Variants in SHANK2 observed in about 807,000 individuals in gnomAD.
SHANK2 encodes SH3 and multiple ankyrin repeat domains 2.
SHANK2 carries 43 observed loss-of-function variants against 133.7 expected under a neutral mutation model. The observed-to-expected ratio is 0.32, with a 90% CI of 0.25 to 0.41. The LOEUF (loss-of-function observed/expected upper bound fraction) is 0.41, where lower values mean the gene tolerates loss of function less well. Among genes scored for constraint, SHANK2 ranks in the 10% least tolerant of loss-of-function variants. The pLI, the probability that SHANK2 is intolerant of heterozygous loss-of-function variation, is 1.00. For synonymous variants in SHANK2, 1,017 were observed against 952.8 expected, an observed-to-expected ratio of 1.07 and a Z score of -1.24; for missense variants, 1,994 against 2,235.8, an observed-to-expected ratio of 0.89 and a Z score of 2.18.
chr11:71,183,529 G>A (rs561603874), intron 2 of SHANK2, among the ~76,000 whole-genome samples: 1 of 152,230 alleles, frequency 6.6e-6, no homozygotes, highest in Non-Finnish European at 1.5e-5. Context: ...TCATCTGGCT[G>A]TGCCCTGAGC....
intron 11 of SHANK2, among the ~76,000 whole-genome samples, chr11:70,854,035 T>C (rs1295678845): frequency 2.6e-5 from 4 of 152,164 alleles, no homozygotes; most frequent in African/African-American, 9.7e-5. Flanking sequence ...AAGTTGGACA[T>C]GAAATTGAGG....
intron 15 of SHANK2, among the ~76,000 whole-genome samples, chr11:70,678,511 T>C (rs1944950738): frequency 6.6e-6 from 1 of 150,886 alleles, no homozygotes; most frequent in Admixed American, 6.6e-5. Context: ...ACCTGCTCAT[T>C]TCCAGTCTGC....
chr11:71,079,636 T>C (rs1951266806), intron 8 of SHANK2, among the ~76,000 whole-genome samples: 1 of 150,090 alleles, frequency 6.7e-6, no homozygotes, highest in African/African-American at 2.4e-5. Context: ...GGCGGGTGCC[T>C]GTAGTCCCAG....
At chr11:71,214,662 G>A (rs950808498) in intron 2 of SHANK2, among the ~76,000 whole-genome samples, 9 of 152,330 alleles carry the variant, frequency 5.9e-5, no homozygotes, top group African/African-American at 1.4e-4. Flanking sequence ...GGCCAAGGGG[G>A]CATCACTGTC....
intron 11 of SHANK2, among the ~76,000 whole-genome samples, chr11:70,836,901 G>C (rs1763390120): frequency 6.6e-6 from 1 of 152,200 alleles, no homozygotes; most frequent in Non-Finnish European, 1.5e-5. Context: ...AATTAGGGTT[G>C]GATGAGGTCA....
intron 2 of SHANK2, among the ~76,000 whole-genome samples, chr11:71,199,968 G>C (rs1420571990): frequency 6.6e-6 from 1 of 152,170 alleles, no homozygotes; most frequent in Non-Finnish European, 1.5e-5. Flanking sequence ...TAGGGCATTT[G>C]TTTCCTTAGC....
chr11:70,663,957 T>C (rs1332389116), intron 15 of SHANK2, among the ~76,000 whole-genome samples: 1 of 152,306 alleles, frequency 6.6e-6, no homozygotes. Context: ...CCTCTTGGGA[T>C]CACCATGGGG....
chr11:70,924,194 C>T (rs545773071), intron 10 of SHANK2, among the ~76,000 whole-genome samples: 1 of 152,276 alleles, frequency 6.6e-6, no homozygotes, highest in Non-Finnish European at 1.5e-5. Flanking sequence ...TACCAGAGTC[C>T]CCAGGAGTCC....
intron 17 of SHANK2, among the ~76,000 whole-genome samples, chr11:70,509,862 A>T (rs962803516): frequency 4.5e-4 from 69 of 152,356 alleles, no homozygotes; most frequent in African/African-American, 1.5e-3. Flanking sequence ...GGCCAGTGCC[A>T]TGATCTTGGA....
chr11:70,871,704 A>G (rs1555070221), intron 11 of SHANK2, among the ~76,000 whole-genome samples: 1 of 152,170 alleles, frequency 6.6e-6, no homozygotes, highest in African/African-American at 2.4e-5. Flanking sequence ...GGCCAGACAC[A>G]CCTGGTACTC....
At chr11:70,726,469 T>TGGGGG (rs1946183068) in intron 14 of SHANK2, among the ~76,000 whole-genome samples, 1 of 8,058 alleles carries the variant, frequency 1.2e-4, no homozygotes, top group African/African-American at 5.8e-4. Flanking sequence ...GAGTCTGGTG[T>TGGGGG]GGGTGGGTGG....
At chr11:70,665,575 T>A (rs1424910145) in intron 15 of SHANK2, among the ~76,000 whole-genome samples, 1 of 152,122 alleles carries the variant, frequency 6.6e-6, no homozygotes, top group Non-Finnish European at 1.5e-5. Context: ...GTTTCTAACT[T>A]CTCTTTCCGG....
intron 17 of SHANK2, among the ~76,000 whole-genome samples, chr11:70,583,736 T>G (rs2060213108): frequency 6.6e-6 from 1 of 152,230 alleles, no homozygotes; most frequent in Non-Finnish European, 1.5e-5. Context: ...ATCGAGGCTG[T>G]GTGTCCCTTC....
rs367885989 is a variant in SHANK2, at chr11:70,787,374, C to T, written c.1777+11069G>A. On this transcript the variant is annotated intron_variant, in intron 14 of 25. Transcript: ENST00000601538. ...AGCATCACCACCAGCATCACCATGA[C>T]CACCACCACTAGGATCACCACTATC... Among the ~76,000 whole-genome samples, 20 of 150,240 alleles carry T rather than the reference C, an allele frequency of 1.3e-4. No homozygotes were observed. The East Asian group carries it at 2.6e-3, about 19-fold the overall frequency.
intron 6 of SHANK2, among the ~76,000 whole-genome samples, chr11:71,103,432 G>A (rs1239504865): frequency 6.6e-6 from 1 of 152,180 alleles, no homozygotes; most frequent in Non-Finnish European, 1.5e-5. Flanking sequence ...GGGCAGTCCC[G>A]GGAAAACCGG....
intron 8 of SHANK2, among the ~76,000 whole-genome samples, chr11:71,084,850 AC>A (rs2136016559): frequency 6.6e-6 from 1 of 152,272 alleles, no homozygotes; most frequent in South Asian, 2.1e-4. Context: ...GGGCCTGTGA[AC>A]TCATATGGGA....
intron 17 of SHANK2, among the ~76,000 whole-genome samples, chr11:70,531,155 CAAAAAAAA>C (rs58867931): frequency 2.3e-5 from 2 of 88,160 alleles, no homozygotes; most frequent in African/African-American, 4.3e-5. Context: ...ACGACTGTCT[CAAAAAAAA>C]AAAAAAAAAA....
At chr11:71,163,894 T>C (rs1953082573) in intron 2 of SHANK2, among the ~76,000 whole-genome samples, 1 of 152,232 alleles carries the variant, frequency 6.6e-6, no homozygotes, top group Non-Finnish European at 1.5e-5. Context: ...TGTGCACTTC[T>C]AAATTAATAG....
At chr11:71,192,022 G>C (rs1307155583) in intron 2 of SHANK2, among the ~76,000 whole-genome samples, 1 of 151,750 alleles carries the variant, frequency 6.6e-6, no homozygotes, top group East Asian at 1.9e-4. Flanking sequence ...TACCATACCT[G>C]GATAATTTTT....
Sources: allele counts gnomAD v4.1 joint callset (sites outside exome capture counted in the v4.1 genomes callset), GRCh38; gene constraint gnomAD v4.1.1; transcripts MANE v1.5; gene names NCBI Gene and HGNC (gene_info 2026-07-23, HGNC 2026-07-21).